SLC15A4: variants seen among roughly 807,000 people sequenced by gnomAD.
SLC15A4 encodes solute carrier family 15 member 4.
A neutral mutation model predicts 46.1 loss-of-function variants in SLC15A4; 26 were observed. The ratio of observed to expected loss-of-function variants is 0.56; its 90% CI spans 0.41 to 0.78. SLC15A4 has a LOEUF of 0.78. Among genes scored for constraint, SLC15A4 ranks in the 30% least tolerant of loss-of-function variants. The probability of loss-of-function intolerance (pLI) is 0.00; values close to 1 mark genes in which losing one functional copy is unlikely to be tolerated. For synonymous variants in SLC15A4, 370 were observed against 333.4 expected (o/e 1.11, Z -1.20); for missense variants, 751 against 755.7 (o/e 0.99, Z 0.07).
At chr12:128,815,197 A>C in intron 1 of SLC15A4, 127 bp from the exon 2 acceptor site, 1 of 880,652 alleles carries the variant, frequency 1.1e-6, no homozygotes, top group African/African-American at 1.7e-5. Flanking sequence ...CACAATCAAA[A>C]TTGTGTTTAC....
At chr12:128,818,648 C>T (rs891847849) in intron 1 of SLC15A4, among the ~76,000 whole-genome samples, 5 of 152,232 alleles carry the variant, frequency 3.3e-5, no homozygotes, top group African/African-American at 1.2e-4. Context: ...ATAAAATTCA[C>T]CCTTCAAAAG....
chr12:128,809,049 A>G, intron 4 of SLC15A4, 93 bp from the exon 5 acceptor site: 1 of 1,191,658 alleles, frequency 8.4e-7, no homozygotes, highest in Non-Finnish European at 1.2e-6. Flanking sequence ...AAATGCACGT[A>G]AAGAACAGTT....
Position 128,800,607 on chromosome 12 carries a change from G to A in SLC15A4, c.1414+247C>T, listed in dbSNP as rs113893047. 7.5e-3 allele frequency among the ~76,000 whole-genome samples: 1,136 copies of A among 152,316 alleles called. 12 individuals are homozygous for A. The highest frequency in any genetic ancestry group is 0.026 in the African/African-American group (1,082 of 41,570). On this transcript the variant is annotated intron_variant, in intron 6 of 7. Coordinates refer to ENST00000266771, the MANE Select transcript of SLC15A4 (RefSeq NM_145648.4). Reference sequence around the variant, plus strand: ...CGATTGCTTTCTTCTTCTCTGTCCTGTGGCACTTACAAGGTAGTTAACAAA... The same window carrying A: ...CGATTGCTTTCTTCTTCTCTGTCCTATGGCACTTACAAGGTAGTTAACAAA...
Position 128,823,803 on chromosome 12 carries a change from C to A in SLC15A4, c.141G>T (p.Glu47Asp). ...ACGTGATGCCGTAGAAAGCGGCGCG[C>A]TCCAGCAGCTCCGTCAGCAGCACGG... ...CGAVLLTELLERAAFYGITSN... is the reference protein window; with the variant it reads ...CGAVLLTELLDRAAFYGITSN... The change falls in exon 1 of 8, where the codon GAG becomes GAT. Residue 47 changes from glutamate (E) to aspartate (D), a missense_variant. Transcript: ENST00000266771. 6.7e-7 allele frequency: 1 copy of A among 1,491,796 alleles called. No individual in the cohort carries two copies. Among genetic ancestry groups the A allele is most frequent in the Non-Finnish European group, 8.9e-7 (1 of 1,125,806 alleles). The allele number at this position is 1,491,796 out of a possible 1,614,324, so 92.4% of individuals were successfully genotyped here.
At chr12:128,813,227 C>T (rs1191111350) in intron 2 of SLC15A4, 1 of 151,464 alleles carries the variant, frequency 6.6e-6, no homozygotes, top group Non-Finnish European at 1.5e-5. Context: ...ACTTTGTCAC[C>T]CAGGCTACAG....
At chr12:128,821,583 G>C (rs1005561815) in intron 1 of SLC15A4, among the ~76,000 whole-genome samples, 1 of 152,024 alleles carries the variant, frequency 6.6e-6, no homozygotes, top group Non-Finnish European at 1.5e-5. Context: ...TCCCGTTTCC[G>C]ACCACTTAAA....
intron 1 of SLC15A4, 193 bp from the exon 2 acceptor site, chr12:128,815,263 T>C: frequency 1.7e-6 from 1 of 586,966 alleles, no homozygotes; most frequent in Non-Finnish European, 3.0e-6. Flanking sequence ...ATTACTACAG[T>C]TGCTAGGTAG....
rs1955895986 is a variant in SLC15A4, at chr12:128,823,866, CGCCGCCGCG to C, written c.69_77del (p.Ala25_Ala27del). On this transcript the variant is annotated inframe_deletion, in exon 1 of 8. Transcript: ENST00000266771. The stretch of plus-strand genomic sequence containing the variant: ...CGCGCCGGCCCGCGAACGCCCCAGC[CGCCGCCGCG>C]GCCGCCGCCGCCCGCCGCGCGCCCA... 9 of 1,040,028 alleles carry C rather than the reference CGCCGCCGCG, an allele frequency of 8.7e-6. No individual in the cohort carries two copies. Among genetic ancestry groups the C allele is most frequent in the South Asian group, 4.5e-5 (1 of 22,296 alleles). The allele number at this position is 1,040,028 out of a possible 1,614,324, so 64.4% of individuals were successfully genotyped here. A position where few individuals can be genotyped will look rare whatever the true frequency, so the allele number is the denominator to read the frequency against.
intron 1 of SLC15A4, among the ~76,000 whole-genome samples, chr12:128,820,078 C>T (rs544879612): frequency 1.3e-5 from 2 of 152,338 alleles, no homozygotes; most frequent in African/African-American, 2.4e-5. Flanking sequence ...ATAATAGAAG[C>T]TTTCCAGTAC....
Position 128,823,570 on chromosome 12 carries a change from G to A in SLC15A4, c.374C>T (p.Ala125Val), listed in dbSNP as rs1955884021. The A allele has an allele frequency of 2.1e-6, 3 of 1,440,524 alleles. No individual in the cohort carries two copies. The highest frequency in any genetic ancestry group is 2.7e-6 in the Non-Finnish European group (3 of 1,104,732). 89.2% of individuals were successfully genotyped at this position (1,440,524 alleles called of 1,614,324 possible). A position where few individuals can be genotyped will look rare whatever the true frequency, so the allele number is the denominator to read the frequency against. The change falls in exon 1 of 8, where the codon GCG becomes GTG. Residue 125 changes from alanine (A) to valine (V), a missense_variant. Ala to Val is a moderately conservative substitution (Grantham distance 64, BLOSUM62 0). Transcript: ENST00000266771. Reference protein sequence around the residue: ...LGMLAFPLLAAPATRAALCGS... With the variant: ...LGMLAFPLLAVPATRAALCGS... ...GCAGAGCGCGGCTCGCGTGGCGGGC[G>A]CGGCCAGCAGCGGGAAGGCCAGCAT...
At chr12:128,812,044 G>A (rs948784480) in intron 2 of SLC15A4, among the ~76,000 whole-genome samples, 2 of 152,210 alleles carry the variant, frequency 1.3e-5, no homozygotes, top group African/African-American at 4.8e-5. Flanking sequence ...CCGCATGTAG[G>A]TGTGTGTATT....
rs999899956 is a variant in SLC15A4, at chr12:128,815,085, A to T, written c.547-15T>A. On this transcript the variant is annotated splice_polypyrimidine_tract_variant and intron_variant, in intron 1 of 7. Coordinates refer to ENST00000266771, the MANE Select transcript of SLC15A4 (RefSeq NM_145648.4). ...CGATCTTTAACCTAAAATAACAGGG[A>T]GGAAAGACACTTGAAAATATATGAC... The T allele has an allele frequency of 1.2e-6, 2 of 1,600,814 alleles. No homozygotes were observed. Among genetic ancestry groups the T allele is most frequent in the Admixed American group, 1.7e-5 (1 of 59,278 alleles).
chr12:128,815,023 A>C lies in SLC15A4; in HGVS notation c.594T>G (p.Phe198Leu), dbSNP rs1955731589. The stretch of plus-strand genomic sequence containing the variant: ...TCGCTCCCAGGTTAATGCTCCAATA[A>C]AACCAATTAAAAAATCTCCTAGTGG... ...PEATRRFFNW[F>L]YWSINLGAIL... The change falls in exon 2 of 8, where the codon TTT becomes TTG. Residue 198 changes from phenylalanine to leucine, a missense_variant. By Grantham distance (22) the Phe-to-Leu change is conservative. Transcript: ENST00000266771. The C allele has an allele frequency of 6.2e-7, 1 of 1,613,034 alleles. No individual in the cohort carries two copies. Among genetic ancestry groups the C allele is most frequent in the Non-Finnish European group, 8.5e-7 (1 of 1,179,030 alleles).
At chr12:128,807,498 G>A (rs904694967) in intron 5 of SLC15A4, among the ~76,000 whole-genome samples, 10 of 152,222 alleles carry the variant, frequency 6.6e-5, no homozygotes, top group African/African-American at 2.4e-4. Flanking sequence ...TGGTGACGGG[G>A]CACAGAGAAG....
intron 5 of SLC15A4, among the ~76,000 whole-genome samples, chr12:128,808,243 G>C (rs1002262918): frequency 3.3e-5 from 5 of 152,224 alleles, no homozygotes; most frequent in African/African-American, 1.2e-4. Context: ...AGAGTTTAGA[G>C]ACTTAGGCAT....
chr12:128,816,052 A>G (rs1032565747), intron 1 of SLC15A4: 1 of 152,242 alleles, frequency 6.6e-6, no homozygotes, highest in Non-Finnish European at 1.5e-5. Flanking sequence ...TAGACAGGCT[A>G]TCAATGGAAT....
chr12:128,797,030 G>A (rs949429758), intron 7 of SLC15A4, among the ~76,000 whole-genome samples: 2 of 152,152 alleles, frequency 1.3e-5, no homozygotes, highest in African/African-American at 4.8e-5. Flanking sequence ...AAAACCTGCC[G>A]TGCATTCCTG....
rs776255043 is a variant in SLC15A4, at chr12:128,800,840, C to T, written c.1414+14G>A. On this transcript the variant is annotated intron_variant, in intron 6 of 7. Coordinates refer to ENST00000266771, the MANE Select transcript of SLC15A4 (RefSeq NM_145648.4). ...TGCCTGGACTCAGACACCTCCGGCA[C>T]TAAAGGTCCTCACCTGCGATACTTG... The T allele has an allele frequency of 3.1e-6, 5 of 1,603,894 alleles. No individual in the cohort carries two copies. The highest frequency in any genetic ancestry group is 1.7e-5 in the Admixed American group (1 of 58,188).
At chr12:128,809,518 C>T (rs918195915) in intron 3 of SLC15A4, 45 bp from the exon 4 acceptor site, 7 of 1,255,516 alleles carry the variant, frequency 5.6e-6, no homozygotes, top group Non-Finnish European at 8.0e-6. Context: ...CAACTGTGCT[C>T]TCAAACACTC....
Sources: allele counts gnomAD v4.1 joint callset (sites outside exome capture counted in the v4.1 genomes callset), GRCh38; gene constraint gnomAD v4.1.1; transcripts MANE v1.5; gene names NCBI Gene and HGNC (gene_info 2026-07-23, HGNC 2026-07-21).